The following USH2A variants were observed in gnomAD, a reference collection of about 807,000 sequenced individuals.
USH2A encodes the protein Usher syndrome 2A (autosomal recessive, mild).
In USH2A, 443 loss-of-function variants were observed where a neutral mutation model predicts 538.9. That is an observed-to-expected ratio of 0.82 (90% CI 0.76 to 0.89). USH2A has a LOEUF of 0.89. Among genes scored for constraint, USH2A ranks in the 40% least tolerant of loss-of-function variants. USH2A has a pLI of 0.00. For synonymous variants in USH2A, 2,413 were observed against 2,273.5 expected, an observed-to-expected ratio of 1.06 and a Z score of -1.75; for missense variants, 6,633 against 6,324.8, an observed-to-expected ratio of 1.05 and a Z score of -1.65.
At chr1:216,239,612 A>C (rs1280112547) in intron 13 of USH2A, among the ~76,000 whole-genome samples, 1 of 152,190 alleles carries the variant, frequency 6.6e-6, no homozygotes, top group Non-Finnish European at 1.5e-5. Flanking sequence ...TTTGTTTCTT[A>C]TTAGCTATGG....
intron 40 of USH2A, among the ~76,000 whole-genome samples, chr1:215,895,606 G>T (rs1665317291): frequency 6.6e-6 from 1 of 152,180 alleles, no homozygotes; most frequent in Non-Finnish European, 1.5e-5. Flanking sequence ...GATGAAGGTT[G>T]CTGAGGGGAA....
chr1:215,805,058 G>C (rs1226750957), intron 49 of USH2A, among the ~76,000 whole-genome samples: 4 of 151,788 alleles, frequency 2.6e-5, no homozygotes, highest in African/African-American at 7.3e-5. Flanking sequence ...ACCGTATGTT[G>C]TCACTCATAG....
At chr1:215,884,097 T>C (rs1191826191) in intron 41 of USH2A, among the ~76,000 whole-genome samples, 1 of 151,942 alleles carries the variant, frequency 6.6e-6, no homozygotes, top group African/African-American at 2.4e-5. Flanking sequence ...AGGGAGAGCA[T>C]TAGGACAAAT....
intron 50 of USH2A, among the ~76,000 whole-genome samples, chr1:215,796,246 TGCAC>T (rs1662130781): frequency 6.6e-6 from 1 of 151,786 alleles, no homozygotes; most frequent in Admixed American, 6.6e-5. Flanking sequence ...TTTGATTTAC[TGCAC>T]TTTGCAGAGA....
chr1:215,894,877 C>G (rs1472330951), intron 40 of USH2A, among the ~76,000 whole-genome samples: 1 of 152,196 alleles, frequency 6.6e-6, no homozygotes, highest in Non-Finnish European at 1.5e-5. Context: ...CAGCCTTACC[C>G]TGAACAAGTG....
chr1:216,325,284 C>A (rs2037706146), intron 6 of USH2A, 21 bp downstream of exon 6: 9 of 1,612,362 alleles, frequency 5.6e-6, no homozygotes, highest in Non-Finnish European at 7.6e-6. Flanking sequence ...AATTAATGTA[C>A]ACCTTATCGT....
At chr1:215,639,477 A>G (rs1246998888) in intron 68 of USH2A, among the ~76,000 whole-genome samples, 1 of 152,276 alleles carries the variant, frequency 6.6e-6, no homozygotes, top group Non-Finnish European at 1.5e-5. Context: ...GAGCTTATAC[A>G]GCAAAGGAAA....
intron 64 of USH2A, 53 bp downstream of exon 64, chr1:215,670,919 T>A: frequency 6.4e-7 from 1 of 1,565,104 alleles, no homozygotes; most frequent in Non-Finnish European, 8.8e-7. Flanking sequence ...TACAGGCAGG[T>A]GCTGACGGGT....
chr1:215,858,840 T>C (rs1664241393), intron 44 of USH2A, among the ~76,000 whole-genome samples: 1 of 152,168 alleles, frequency 6.6e-6, no homozygotes. Flanking sequence ...TAGATATGTA[T>C]TAGTTTGCTC....
chr1:216,046,626 A>T (rs1249576297), intron 31 of USH2A, 34 bp from the exon 32 acceptor site: 1 of 1,612,756 alleles, frequency 6.2e-7, no homozygotes, highest in African/African-American at 1.3e-5. Context: ...GTCTAATTTT[A>T]GTTTACTTTT....
chr1:215,936,058 A>G lies in USH2A; in HGVS notation c.7121-1263T>C, dbSNP rs139609027. On this transcript the variant is annotated intron_variant, in intron 37 of 71. Coordinates refer to ENST00000307340, the MANE Select transcript of USH2A (RefSeq NM_206933.4). ...AGATTTTTTTATCTAAAAGAGCACC[A>G]ATATTTACTTCAAATAACCTTTTTC... Among the ~76,000 whole-genome samples the G allele has an allele frequency of 3.2e-3, 491 of 152,098 alleles. 2 individuals carry two copies. Among genetic ancestry groups the G allele is most frequent in the Middle Eastern group, 0.01 (3 of 294 alleles).
At chr1:215,812,170 G>A (rs940137640) in intron 49 of USH2A, among the ~76,000 whole-genome samples, 3 of 151,478 alleles carry the variant, frequency 2.0e-5, no homozygotes, top group African/African-American at 7.3e-5. Context: ...TTTTTTACAA[G>A]AGATGGGGTT....
intron 54 of USH2A, among the ~76,000 whole-genome samples, chr1:215,780,459 T>C (rs1661600555): frequency 6.6e-6 from 1 of 152,216 alleles, no homozygotes; most frequent in African/African-American, 2.4e-5. Context: ...AAGCCACATC[T>C]GAACTTGCTT....
intron 19 of USH2A, chr1:216,193,965 C>T (rs978860206): frequency 5.9e-5 from 9 of 152,162 alleles, no homozygotes; most frequent in African/African-American, 9.7e-5. Flanking sequence ...CCACGGAATC[C>T]GCTGAGGCTG....
chr1:216,120,458 C>G (rs771150869), intron 21 of USH2A, among the ~76,000 whole-genome samples: 3 of 151,800 alleles, frequency 2.0e-5, no homozygotes, highest in Non-Finnish European at 4.4e-5. Context: ...CAGCTCACTG[C>G]AAGCTCCGCC....
Position 216,341,765 on chromosome 1 carries a change from A to G in USH2A, c.785-14111T>C, listed in dbSNP as rs535103590. Among the ~76,000 whole-genome samples, 150 of 152,274 alleles carry G rather than the reference A, an allele frequency of 9.9e-4. 1 individual carries two copies. Among genetic ancestry groups the G allele is most frequent in the African/African-American group, 3.5e-3 (144 of 41,572 alleles). On this transcript the variant is annotated intron_variant, in intron 4 of 71. Transcript: ENST00000307340. ...TGGGGAAAAGATTCCCTATTTTATA[A>G]ATGGTGCTGGGAAAACTGGCTAGCC... is the stretch of plus-strand genomic sequence containing the variant.
intron 71 of USH2A, among the ~76,000 whole-genome samples, chr1:215,626,765 T>G (rs1444790855): frequency 6.6e-6 from 1 of 152,176 alleles, no homozygotes; most frequent in Non-Finnish European, 1.5e-5. Context: ...AATCTCTCAT[T>G]AAATCACTCA....
intron 4 of USH2A, among the ~76,000 whole-genome samples, chr1:216,360,859 C>T (rs1315454576): frequency 6.6e-6 from 1 of 151,960 alleles, no homozygotes; most frequent in African/African-American, 2.4e-5. Context: ...TGTTCAGATG[C>T]CCATTCTCCT....
intron 55 of USH2A, among the ~76,000 whole-genome samples, chr1:215,775,058 G>A (rs1661423612): frequency 6.6e-6 from 1 of 152,066 alleles, no homozygotes; most frequent in African/African-American, 2.4e-5. Context: ...ATGCAGCCTG[G>A]AGCATTGCAA....
Sources: allele counts gnomAD v4.1 joint callset (sites outside exome capture counted in the v4.1 genomes callset), GRCh38; gene constraint gnomAD v4.1.1; transcripts MANE v1.5; gene names NCBI Gene and HGNC (gene_info 2026-07-23, HGNC 2026-07-21).